The following ATP2B4 variants were observed in gnomAD, a reference collection of about 807,000 sequenced individuals.
The protein encoded by ATP2B4 is plasma membrane calcium-transporting ATPase 4.
ATP2B4 carries 39 observed loss-of-function variants against 110.3 expected under a neutral mutation model. That is an observed-to-expected ratio of 0.35 (90% CI 0.27 to 0.46). ATP2B4 has a LOEUF of 0.46. Among genes scored for constraint, ATP2B4 ranks in the 20% least tolerant of loss-of-function variants. The probability of loss-of-function intolerance (pLI) is 1.00; values close to 1 mark genes in which losing one functional copy is unlikely to be tolerated. For synonymous variants in ATP2B4, 538 were observed against 571.7 expected, an observed-to-expected ratio of 0.94 and a Z score of 0.84; for missense variants, 1,135 against 1,530.9, an observed-to-expected ratio of 0.74 and a Z score of 4.32.
intron 20 of ATP2B4, chr1:203,729,843 G>A: frequency 8.1e-7 from 1 of 1,237,676 alleles, no homozygotes; most frequent in Non-Finnish European, 1.1e-6. Flanking sequence ...CAGAGGGCTT[G>A]GTCCCCTCTG....
intron 15 of ATP2B4, among the ~76,000 whole-genome samples, chr1:203,715,848 G>A (rs1296294520): frequency 1.4e-5 from 2 of 144,130 alleles, no homozygotes; most frequent in Admixed American, 1.4e-4. Context: ...CCTATCTCTT[G>A]GAGTGCGCCT....
chr1:203,696,748 G>A (rs937026415), intron 2 of ATP2B4, among the ~76,000 whole-genome samples: 4 of 152,102 alleles, frequency 2.6e-5, no homozygotes, highest in Non-Finnish European at 5.9e-5. Context: ...GAGTAGGTGT[G>A]GTATGTATGT....
At chr1:203,659,440 G>T (rs963270913) in intron 1 of ATP2B4, among the ~76,000 whole-genome samples, 1 of 151,928 alleles carries the variant, frequency 6.6e-6, no homozygotes, top group African/African-American at 2.4e-5. Flanking sequence ...AGGCAGAGGT[G>T]GGAGGATCAC....
chr1:203,630,472 T>C (rs937255045), intron 1 of ATP2B4, among the ~76,000 whole-genome samples: 1 of 150,988 alleles, frequency 6.6e-6, no homozygotes, highest in African/African-American at 2.4e-5. Flanking sequence ...CCACTAAGCC[T>C]TGGAGAGAGA....
At chr1:203,722,311 G>C (rs200984052) in intron 17 of ATP2B4, among the ~76,000 whole-genome samples, 167 bp from the exon 18 acceptor site, 1 of 152,150 alleles carries the variant, frequency 6.6e-6, no homozygotes, top group East Asian at 1.9e-4. Context: ...TCCAGCCTGG[G>C]TGACAGAGTG....
intron 1 of ATP2B4, among the ~76,000 whole-genome samples, chr1:203,660,811 TAAG>T (rs1224344634): frequency 1.4e-5 from 2 of 140,274 alleles, no homozygotes; most frequent in East Asian, 2.2e-4. Flanking sequence ...AATAAATAAA[TAAG>T]AAGAAGAGCA....
intron 1 of ATP2B4, among the ~76,000 whole-genome samples, chr1:203,671,717 GCTGA>G (rs1664668663): frequency 6.6e-6 from 1 of 152,182 alleles, no homozygotes; most frequent in African/African-American, 2.4e-5. Flanking sequence ...ACTCTGTGAT[GCTGA>G]CTAAGGGTCC....
chr1:203,658,508 C>T lies in ATP2B4; in HGVS notation c.-464-24234C>T, dbSNP rs1664234219. Among the ~76,000 whole-genome samples the T allele has an allele frequency of 4.1e-5, 6 of 147,994 alleles. No individual in the cohort carries two copies. The South Asian group carries it at 1.3e-3, about 32-fold the overall frequency. On this transcript the variant is annotated intron_variant, in intron 1 of 20. Coordinates refer to ENST00000357681, the MANE Select transcript of ATP2B4 (RefSeq NM_001684.5). ...ATGGCGCCACTGCACTCCACCCTGGCCAACAGAGGGAGACCCTGTCTCAAA... is the reference window on the plus strand; with the variant it reads ...ATGGCGCCACTGCACTCCACCCTGGTCAACAGAGGGAGACCCTGTCTCAAA...
Position 203,739,601 on chromosome 1 carries a change from A to G in ATP2B4, c.3365A>G (p.Tyr1122Cys). ...SSLHESIQKP[Y>C]NQKSIHSFMT... is the part of the protein sequence containing the mutation. ...CTCCACGAAAGCATTCAGAAACCCT[A>G]CAACCAAAAGTCCATCCACAGCTTC... Residue 1122 changes from tyrosine to cysteine, a missense_variant, in exon 21 of 21, where the codon TAC becomes TGC. Tyr to Cys is a radical substitution (Grantham distance 194). Around this residue, in one of 9 missense-constraint regions of ATP2B4, gnomAD observed 61 missense variants for 123.4 expected, o/e 0.49. Transcript: ENST00000357681. 3 of 1,614,134 alleles carry G rather than the reference A, an allele frequency of 1.9e-6. No homozygotes were observed. Among genetic ancestry groups the G allele is most frequent in the African/African-American group, 1.3e-5 (1 of 75,022 alleles).
At chr1:203,635,487 G>A (rs974730373) in intron 1 of ATP2B4, among the ~76,000 whole-genome samples, 1 of 152,000 alleles carries the variant, frequency 6.6e-6, no homozygotes, top group Non-Finnish European at 1.5e-5. Context: ...GACATAGGAA[G>A]ACTCCACCTC....
chr1:203,638,272 C>T (rs187695215), intron 1 of ATP2B4, among the ~76,000 whole-genome samples: 19 of 152,310 alleles, frequency 1.2e-4, no homozygotes, highest in Middle Eastern at 3.4e-3. Flanking sequence ...GAGCCAGTAC[C>T]GGTACTGTGG....
chr1:203,711,998 T>G lies in ATP2B4; in HGVS notation c.2070T>G (p.Ile690Met). 6.2e-7 allele frequency: 1 copy of G among 1,614,134 alleles called. No homozygotes were observed. Among genetic ancestry groups the G allele is most frequent in the Non-Finnish European group, 8.5e-7 (1 of 1,180,000 alleles). ...TTGCCAAATGCAAACAAGCTGGCATTACTGTCAGAATGGTGACAGGTGACA... is the reference window on the plus strand; with the variant it reads ...TTGCCAAATGCAAACAAGCTGGCATGACTGTCAGAATGGTGACAGGTGACA... Reference protein sequence around the residue: ...DAIAKCKQAGITVRMVTGDNI... With the variant: ...DAIAKCKQAGMTVRMVTGDNI... Residue 690 changes from isoleucine to methionine, a missense_variant, in exon 13 of 21, where the codon ATT (isoleucine) becomes ATG (methionine). Ile to Met is a conservative substitution (Grantham distance 10). This residue lies in a region of ATP2B4 where 368 missense variants were observed against 455.9 expected (regional missense o/e 0.81). Transcript: ENST00000357681.
At chr1:203,696,871 G>A (rs976777896) in intron 2 of ATP2B4, among the ~76,000 whole-genome samples, 2 of 152,070 alleles carry the variant, frequency 1.3e-5, no homozygotes, top group Non-Finnish European at 2.9e-5. Flanking sequence ...TGTGATGTGA[G>A]TGGTGTATGT....
intron 2 of ATP2B4, among the ~76,000 whole-genome samples, chr1:203,697,361 A>G (rs1665563367): frequency 6.6e-6 from 1 of 152,204 alleles, no homozygotes; most frequent in Non-Finnish European, 1.5e-5. Context: ...GTGTGAGCCA[A>G]TGGATGGCAG....
intron 1 of ATP2B4, among the ~76,000 whole-genome samples, chr1:203,664,873 C>T (rs1664453750): frequency 6.6e-6 from 1 of 152,082 alleles, no homozygotes; most frequent in Admixed American, 6.5e-5. Context: ...GCTCTGTCAC[C>T]CAGGCTGGAG....
At chr1:203,657,602 CT>C in intron 1 of ATP2B4, 2 of 973,996 alleles carry the variant, frequency 2.1e-6, no homozygotes, top group Non-Finnish European at 3.3e-6. Context: ...TAAGGTAAAG[CT>C]TAGCCTTCAG....
intron 20 of ATP2B4, among the ~76,000 whole-genome samples, chr1:203,731,318 A>T (rs1009772590): frequency 6.6e-6 from 1 of 152,180 alleles, no homozygotes; most frequent in African/African-American, 2.4e-5. Context: ...TCTCACTCAC[A>T]TTCTGCCTAC....
Position 203,703,787 on chromosome 1 carries a change from G to A in ATP2B4, c.1073G>A (p.Arg358His), listed in dbSNP as rs747649058. The A allele has an allele frequency of 2.2e-5, 36 of 1,613,950 alleles. No individual in the cohort carries two copies. The highest frequency in any genetic ancestry group is 4.4e-5 in the South Asian group (4 of 91,076). The change falls in exon 8 of 21, where the codon CGC becomes CAC. Residue 358 changes from arginine to histidine, a missense_variant. Arg to His is a conservative substitution (Grantham distance 29, BLOSUM62 0). Around this residue, in one of 9 missense-constraint regions of ATP2B4, gnomAD observed 162 missense variants for 210.5 expected, o/e 0.77. Coordinates refer to ENST00000357681, the MANE Select transcript of ATP2B4 (RefSeq NM_001684.5). ...TCAGTGCTGCAGGGCAAGCTGACTC[G>A]CCTGGCTGTTCAGATTGGGAAAGCC... ...EKSVLQGKLT[R>H]LAVQIGKAGL... is the part of the protein sequence containing the mutation.
At chr1:203,667,459 C>T (rs1664541046) in intron 1 of ATP2B4, among the ~76,000 whole-genome samples, 1 of 152,208 alleles carries the variant, frequency 6.6e-6, no homozygotes, top group South Asian at 2.1e-4. Flanking sequence ...TTTTCCTGTG[C>T]TCTTTTCTTC....
Sources: allele counts gnomAD v4.1 joint callset (sites outside exome capture counted in the v4.1 genomes callset), GRCh38; gene constraint gnomAD v4.1.1; regional missense constraint gnomAD v4.1.1; transcripts MANE v1.5; gene names NCBI Gene and HGNC (gene_info 2026-07-23, HGNC 2026-07-21).